The following SLC35A5 variants were observed in gnomAD, a reference collection of about 807,000 sequenced individuals.
The protein encoded by SLC35A5 is UDP-sugar transporter protein SLC35A5.
SLC35A5 carries 28 observed loss-of-function variants against 36.3 expected under a neutral mutation model. The observed-to-expected ratio is 0.77, with a 90% CI of 0.57 to 1.06. The LOEUF is 1.06. Among genes scored for constraint, SLC35A5 ranks in the 50% least tolerant of loss-of-function variants. The pLI is 0.00. For synonymous variants in SLC35A5, 180 were observed against 173.7 expected (o/e 1.04, Z -0.29); for missense variants, 521 against 499.3 (o/e 1.04, Z -0.41).
rs1316743248 is a variant in SLC35A5 at position 112,582,963 on chromosome 3, A to G, written c.*227A>G. 8.1e-6 allele frequency: 4 copies of G among 491,704 alleles called. No homozygotes were observed. The highest frequency in any genetic ancestry group is 3.1e-5 in the East Asian group (1 of 32,292). 30.5% of individuals were successfully genotyped at this position (491,704 alleles called of 1,614,324 possible). A position where few individuals can be genotyped will look rare whatever the true frequency, so the allele number is the denominator to read the frequency against. On this transcript the variant is annotated 3_prime_UTR_variant, in exon 7 of 7. Transcript: ENST00000492406. ...GTAACAATATGAAGAATTCATTAATATCTCAGTACTTGATAAATCAGAAAG... is the reference window on the plus strand; with the variant it reads ...GTAACAATATGAAGAATTCATTAATGTCTCAGTACTTGATAAATCAGAAAG...
intron 5 of SLC35A5, among the ~76,000 whole-genome samples, chr3:112,574,365 A>C (rs1319564420): frequency 1.3e-5 from 2 of 151,880 alleles, no homozygotes; most frequent in Non-Finnish European, 2.9e-5. Context: ...ATTTTTTATT[A>C]AACTATTTGA....
chr3:112,569,077 C>G, intron 2 of SLC35A5, 94 bp from the exon 3 acceptor site: 1 of 1,001,120 alleles, frequency 1.0e-6, no homozygotes, highest in Non-Finnish European at 1.4e-6. Flanking sequence ...AGTAGTAAAT[C>G]CAGCTTTTAA....
Position 112,563,546 on chromosome 3 carries a change from T to TTGGTA in SLC35A5, c.130+15_130+19dup. 1 of 1,592,526 alleles carries TTGGTA rather than the reference T, an allele frequency of 6.3e-7. No homozygotes were observed. The highest frequency in any genetic ancestry group is 1.3e-5 in the African/African-American group (1 of 74,760). Reference sequence around the variant, plus strand: ...TCTGCCAATGAAGGTAAGTTAAGACTTGGTATATGCATGGAGCACTTCCAT... The same window carrying TTGGTA: ...TCTGCCAATGAAGGTAAGTTAAGACTTGGTATGGTATATGCATGGAGCACTTCCAT... On this transcript the variant is annotated intron_variant, in intron 2 of 6. Coordinates refer to ENST00000492406, the MANE Select transcript of SLC35A5 (RefSeq NM_017945.5).
intron 2 of SLC35A5, among the ~76,000 whole-genome samples, chr3:112,565,405 A>G (rs991802417): frequency 6.6e-6 from 1 of 152,242 alleles, no homozygotes; most frequent in Non-Finnish European, 1.5e-5. Flanking sequence ...CAGAGGCAAC[A>G]GCCTGTAAAA....
In SLC35A5 at chr3:112,581,225, A is replaced by T. The variant is rs1410275662; in HGVS notation, c.1108A>T (p.Ile370Leu). The change falls in exon 6 of 7, where the codon ATA (isoleucine) becomes TTA (leucine). Residue 370 changes from isoleucine to leucine, a missense_variant. By Grantham distance (5) the Ile-to-Leu change is conservative. Transcript: ENST00000492406. ...FLEAPSVLLSIFIYNASKPQV... is the reference protein window; with the variant it reads ...FLEAPSVLLSLFIYNASKPQV... Reference sequence around the variant, plus strand: ...GGAAGCCCCATCAGTCCTTCTCTCTATATTTATTTATAATGCCAGCAAGCC... The same window carrying T: ...GGAAGCCCCATCAGTCCTTCTCTCTTTATTTATTTATAATGCCAGCAAGCC... The T allele has an allele frequency of 1.2e-6, 2 of 1,613,604 alleles. No homozygotes were observed. Among genetic ancestry groups the T allele is most frequent in the Non-Finnish European group, 1.7e-6 (2 of 1,179,872 alleles).
At position 112,583,138 on chromosome 3, in the gene SLC35A5, T is replaced by C. The variant is rs1368173412; in HGVS notation, c.*402T>C. On this transcript the variant is annotated 3_prime_UTR_variant, in exon 7 of 7. Coordinates refer to ENST00000492406, the MANE Select transcript of SLC35A5 (RefSeq NM_017945.5). ...AGTTTACATGCCAAAGTCTTCCCTTTTTAACATTATAAAAGCTAGGTTGTC... is the reference window on the plus strand; with the variant it reads ...AGTTTACATGCCAAAGTCTTCCCTTCTTAACATTATAAAAGCTAGGTTGTC... 5.0e-6 allele frequency: 2 copies of C among 398,850 alleles called. No homozygotes were observed. The highest frequency in any genetic ancestry group is 4.4e-5 in the Admixed American group (1 of 22,746). 24.7% of individuals were successfully genotyped at this position (398,850 alleles called of 1,614,324 possible). A position where few individuals can be genotyped will look rare whatever the true frequency, so the allele number is the denominator to read the frequency against.
rs1266303738 is a variant in SLC35A5, at chr3:112,570,593, A to G, written c.283A>G (p.Met95Val). 1.9e-6 allele frequency: 3 copies of G among 1,613,222 alleles called. No individual in the cohort carries two copies. The highest frequency in any genetic ancestry group is 2.2e-5 in the East Asian group (1 of 44,766). ...TTCCTGGAAGGAATTCTCTGATTTC[A>G]TGAAGTGGTCCATTCCTGCCTTTCT... ...YASWKEFSDF[M>V]KWSIPAFLYF... is the part of the protein sequence containing the mutation. Residue 95 changes from methionine (M) to valine (V), a missense_variant, in exon 4 of 7, where the codon ATG (methionine) becomes GTG (valine). Met to Val is a conservative substitution (Grantham distance 21). Coordinates refer to ENST00000492406, the MANE Select transcript of SLC35A5 (RefSeq NM_017945.5).
upstream of SLC35A5, chr3:112,561,889 G>C (rs559464062): frequency 3.9e-6 from 1 of 259,678 alleles, no homozygotes. Context: ...TGCTTCACTC[G>C]CGCCCCTTCC....
At chr3:112,567,493 C>A (rs1270451146) in intron 2 of SLC35A5, among the ~76,000 whole-genome samples, 2 of 152,036 alleles carry the variant, frequency 1.3e-5, no homozygotes, top group Non-Finnish European at 1.5e-5. Flanking sequence ...GTGGTTTCAC[C>A]ATGTTGACCA....
chr3:112,581,306 C>A lies in SLC35A5; in HGVS notation c.1189C>A (p.Leu397Ile). 1 of 1,609,048 alleles carries A rather than the reference C, an allele frequency of 6.2e-7. No homozygotes were observed. Among genetic ancestry groups the A allele is most frequent in the Non-Finnish European group, 8.5e-7 (1 of 1,177,854 alleles). The change falls in exon 6 of 7, where the codon CTT becomes ATT. Residue 397 changes from leucine to isoleucine, a missense_variant. Physicochemically the swap from Leu to Ile is conservative, Grantham distance 5. Coordinates refer to ENST00000492406, the MANE Select transcript of SLC35A5 (RefSeq NM_017945.5). ...QERIRDLSGN[L>I]WERSSGDGEE... is the part of the protein sequence containing the mutation. ...AAGGATCCGAGATCTAAGTGGCAAT[C>A]TTTGGGAGCGTTCCAGTGGGGTAAG... is the stretch of plus-strand genomic sequence containing the variant.
At chr3:112,575,715 CTA>C (rs1486377506) in intron 5 of SLC35A5, among the ~76,000 whole-genome samples, 9 of 150,114 alleles carry the variant, frequency 6.0e-5, no homozygotes, top group African/African-American at 2.2e-4. Flanking sequence ...TGCTAATAAT[CTA>C]ATATTGTCTT....
At chr3:112,569,104 G>A in intron 2 of SLC35A5, 67 bp from the exon 3 acceptor site, 1 of 1,267,578 alleles carries the variant, frequency 7.9e-7, no homozygotes, top group Non-Finnish European at 1.1e-6. Context: ...AAACAATTAT[G>A]TTATACTGTA....
rs142275743 is a variant in SLC35A5, at chr3:112,573,922, A to G, written c.394A>G (p.Ile132Val). Reference sequence around the variant, plus strand: ...TGTTATCTTCTCAAATTTTAGCATTATAACAACAGCTCTTCTATTCAGGAT... The same window carrying G: ...TGTTATCTTCTCAAATTTTAGCATTGTAACAACAGCTCTTCTATTCAGGAT... ...MAVIFSNFSIITTALLFRIVL... is the reference protein window; with the variant it reads ...MAVIFSNFSIVTTALLFRIVL... The change falls in exon 5 of 7, where the codon ATA (isoleucine) becomes GTA (valine). Residue 132 changes from isoleucine to valine, a missense_variant. Coordinates refer to ENST00000492406, the MANE Select transcript of SLC35A5 (RefSeq NM_017945.5). 3 of 1,613,678 alleles carry G rather than the reference A, an allele frequency of 1.9e-6. No homozygotes were observed. The highest frequency in any genetic ancestry group is 2.5e-6 in the Non-Finnish European group (3 of 1,179,640).
chr3:112,576,878 GATGGT>G (rs1243899420), intron 5 of SLC35A5, among the ~76,000 whole-genome samples: 12 of 152,108 alleles, frequency 7.9e-5, no homozygotes, highest in Non-Finnish European at 1.6e-4. Context: ...TGAATCATTT[GATGGT>G]CTTTTTGCCC....
intron 5 of SLC35A5, among the ~76,000 whole-genome samples, chr3:112,574,871 TG>T (rs1462942586): frequency 6.6e-6 from 1 of 152,096 alleles, no homozygotes; most frequent in Non-Finnish European, 1.5e-5. Context: ...ACATTTAATT[TG>T]ATAGTTAATG....
Position 112,570,608 on chromosome 3 carries a change from C to T in SLC35A5, c.298C>T (p.Pro100Ser), listed in dbSNP as rs865827317. 3 of 1,612,790 alleles carry T rather than the reference C, an allele frequency of 1.9e-6. No homozygotes were observed. Among genetic ancestry groups the T allele is most frequent in the Non-Finnish European group, 2.5e-6 (3 of 1,179,452 alleles). ...EFSDFMKWSI[P>S]AFLYFLDNLI... ...CTCTGATTTCATGAAGTGGTCCATT[C>T]CTGCCTTTCTTTATTTCCTGGATAA... The change falls in exon 4 of 7, where the codon CCT becomes TCT. Residue 100 changes from proline to serine, a missense_variant. Physicochemically the swap from Pro to Ser is moderately conservative, Grantham distance 74. Transcript: ENST00000492406.
intron 5 of SLC35A5, among the ~76,000 whole-genome samples, chr3:112,579,563 C>T (rs1355602018): frequency 1.3e-5 from 2 of 152,110 alleles, no homozygotes; most frequent in African/African-American, 2.4e-5. Context: ...ACTCTTCCCT[C>T]TGCCTGGATA....
At chr3:112,562,746 T>G (rs1045417363) in intron 1 of SLC35A5, among the ~76,000 whole-genome samples, 14 of 152,232 alleles carry the variant, frequency 9.2e-5, no homozygotes, top group African/African-American at 3.1e-4. Flanking sequence ...AGCCTTATCT[T>G]ACAGCAAAAT....
At chr3:112,572,827 G>A (rs1934506142) in intron 4 of SLC35A5, among the ~76,000 whole-genome samples, 1 of 152,200 alleles carries the variant, frequency 6.6e-6, no homozygotes, top group African/African-American at 2.4e-5. Flanking sequence ...AGGCTGCATG[G>A]TTAGGCACTT....
Sources: allele counts gnomAD v4.1 joint callset (sites outside exome capture counted in the v4.1 genomes callset), GRCh38; gene constraint gnomAD v4.1.1; transcripts MANE v1.5; gene names NCBI Gene and HGNC (gene_info 2026-07-23, HGNC 2026-07-21).